EIPR1: variants seen among roughly 807,000 people sequenced by gnomAD.
EIPR1 encodes EARP complex and GARP complex interacting protein 1, also known as EARP and GARP complex-interacting protein 1.
A neutral mutation model predicts 48.1 loss-of-function variants in EIPR1; 25 were observed. That is an observed-to-expected ratio of 0.52 (90% CI 0.38 to 0.73). The LOEUF is 0.73. EIPR1 is among the 30% of genes least tolerant of loss of function. The pLI, the probability that EIPR1 is intolerant of heterozygous loss-of-function variation, is 0.00. For missense variants in EIPR1, 415 were observed against 506.2 expected (o/e 0.82, Z 1.73); for synonymous variants, 204 against 201.9 (o/e 1.01, Z -0.09).
intron 4 of EIPR1, among the ~76,000 whole-genome samples, chr2:3,220,538 C>A (rs1262248357): frequency 2.0e-5 from 3 of 152,076 alleles, no homozygotes; most frequent in Admixed American, 2.0e-4. Context: ...CACACAATGA[C>A]CATGGTACAC....
chr2:3,243,338 T>C (rs1666696405), intron 4 of EIPR1, among the ~76,000 whole-genome samples: 1 of 152,088 alleles, frequency 6.6e-6, no homozygotes, highest in African/African-American at 2.4e-5. Context: ...CACTAAGAAT[T>C]CACAAGCAAG....
At chr2:3,225,213 C>T (rs1020162701) in intron 4 of EIPR1, among the ~76,000 whole-genome samples, 1 of 129,560 alleles carries the variant, frequency 7.7e-6, no homozygotes, top group Non-Finnish European at 1.7e-5. Context: ...TTAGGTAGTA[C>T]ACTGTGATAT....
intron 2 of EIPR1, chr2:3,353,166 T>C (rs1322424160): frequency 4.4e-6 from 2 of 458,032 alleles, no homozygotes; most frequent in South Asian, 1.6e-5. Context: ...TATATGTAAG[T>C]ATAGGAAAAA....
In EIPR1 at chr2:3,346,717, TGAAAAGGGGGCA is replaced by T. The variant is rs557815463; in HGVS notation, c.126+7821_126+7832del. 8.5e-5 allele frequency among the ~76,000 whole-genome samples: 13 copies of T among 152,128 alleles called. 1 individual carries two copies. In the East Asian group the frequency reaches 2.5e-3, roughly 29 times the overall value. On this transcript the variant is annotated intron_variant, in intron 2 of 8. Transcript: ENST00000382125. The stretch of plus-strand genomic sequence containing the variant: ...CATCAATTAGTTCCAGCTCAGGAAT[TGAAAAGGGGGCA>T]GAAAAGGAAAGACTTCACAGAAAAG...
intron 4 of EIPR1, among the ~76,000 whole-genome samples, chr2:3,242,133 G>A (rs999322193): frequency 3.3e-5 from 5 of 152,172 alleles, no homozygotes; most frequent in Non-Finnish European, 7.3e-5. Flanking sequence ...AGCACCCACT[G>A]ATGGCTGGAA....
intron 3 of EIPR1, chr2:3,318,764 A>C: frequency 4.4e-6 from 2 of 450,124 alleles, no homozygotes; most frequent in South Asian, 3.2e-5. Flanking sequence ...TCTGAAGCCA[A>C]AATACATCTG....
intron 3 of EIPR1, among the ~76,000 whole-genome samples, chr2:3,299,189 C>T (rs1440689522): frequency 6.6e-6 from 1 of 152,232 alleles, no homozygotes. Context: ...CTGAGAATGT[C>T]GCTGTGTCTG....
chr2:3,323,103 T>G (rs1320830915), intron 3 of EIPR1, among the ~76,000 whole-genome samples: 1 of 120,760 alleles, frequency 8.3e-6, no homozygotes, highest in Non-Finnish European at 1.6e-5. Context: ...TCTCTCTGAT[T>G]TTTTCTTTAA....
intron 7 of EIPR1, 39 bp downstream of exon 7, chr2:3,193,960 T>C (rs1664699635): frequency 1.2e-6 from 2 of 1,608,302 alleles, no homozygotes. Context: ...ATCAATTGCG[T>C]AATCCCCTCC....
rs1664506430 is a variant in EIPR1 at position 3,189,114 on chromosome 2, C to G, written c.*220G>C. ...GTTATTCACATAATAATGTGGGGCT[C>G]TGTCTCTGCCGACAGGGGCTGGGTT... On this transcript the variant is annotated 3_prime_UTR_variant, in exon 9 of 9. Coordinates refer to ENST00000382125, the MANE Select transcript of EIPR1 (RefSeq NM_003310.5). The surrounding 1 kb of genome is among the most constrained non-coding windows in gnomAD (Gnocchi z 4.6). 2.4e-6 allele frequency: 1 copy of G among 415,728 alleles called. No homozygotes were observed. Among genetic ancestry groups the G allele is most frequent in the Admixed American group, 4.1e-5 (1 of 24,280 alleles). The allele number at this position is 415,728 out of a possible 1,614,324, so 25.8% of individuals were successfully genotyped here. A position where few individuals can be genotyped will look rare whatever the true frequency, so the allele number is the denominator to read the frequency against.
chr2:3,351,508 G>C (rs538243712), intron 2 of EIPR1, among the ~76,000 whole-genome samples: 1 of 152,246 alleles, frequency 6.6e-6, no homozygotes, highest in South Asian at 2.1e-4. Flanking sequence ...TTGGAAGGCA[G>C]ACTGGCGTGC....
chr2:3,344,469 G>C (rs933483708), intron 2 of EIPR1, among the ~76,000 whole-genome samples: 14 of 152,094 alleles, frequency 9.2e-5, no homozygotes, highest in Non-Finnish European at 8.8e-5. Context: ...CAAGAGACCT[G>C]GTTTCTCATT....
intron 2 of EIPR1, among the ~76,000 whole-genome samples, chr2:3,344,632 T>C (rs1172262690): frequency 2.1e-5 from 3 of 142,876 alleles, no homozygotes; most frequent in African/African-American, 8.0e-5. Flanking sequence ...CTGGTTCTGG[T>C]TCTTTTTTTT....
intron 3 of EIPR1, among the ~76,000 whole-genome samples, chr2:3,332,889 C>T (rs1427249351): frequency 6.6e-6 from 1 of 152,218 alleles, no homozygotes; most frequent in Non-Finnish European, 1.5e-5. Flanking sequence ...CGATGGCAAT[C>T]TGTCACTTGT....
chr2:3,345,523 G>T (rs1670372902), intron 2 of EIPR1, among the ~76,000 whole-genome samples: 1 of 152,012 alleles, frequency 6.6e-6, no homozygotes, highest in Admixed American at 6.6e-5. Flanking sequence ...TATTCAGGAG[G>T]CCGAGGCAGG....
At chr2:3,346,153 G>C (rs1184042948) in intron 2 of EIPR1, among the ~76,000 whole-genome samples, 2 of 152,260 alleles carry the variant, frequency 1.3e-5, no homozygotes, top group Admixed American at 6.5e-5. Context: ...CCACTCGGGA[G>C]CTGGCCCAAG....
Position 3,377,779 on chromosome 2 carries a change from C to A in EIPR1, c.-90G>T, listed in dbSNP as rs1422423649. Reference sequence around the variant, plus strand: ...CCCCACCTCGCGGGCGTGTTCCCAGCGCCCATTCATTCCCTCCCCGCAGCA... The same window carrying A: ...CCCCACCTCGCGGGCGTGTTCCCAGAGCCCATTCATTCCCTCCCCGCAGCA... On this transcript the variant is annotated 5_prime_UTR_variant, in exon 1 of 9. Transcript: ENST00000382125. 1.2e-5 allele frequency: 18 copies of A among 1,491,870 alleles called. No homozygotes were observed. The highest frequency in any genetic ancestry group is 1.1e-4 in the African/African-American group (8 of 71,918). The allele number at this position is 1,491,870 out of a possible 1,614,324, so 92.4% of individuals were successfully genotyped here.
intron 3 of EIPR1, among the ~76,000 whole-genome samples, chr2:3,264,989 T>A (rs1667443763): frequency 6.6e-6 from 1 of 152,214 alleles, no homozygotes; most frequent in Admixed American, 6.5e-5. Flanking sequence ...CTGGCCCCAA[T>A]GCATTTTTCT....
chr2:3,335,109 C>G (rs544686904), intron 3 of EIPR1, among the ~76,000 whole-genome samples: 16 of 152,230 alleles, frequency 1.1e-4, no homozygotes, highest in Non-Finnish European at 2.2e-4. Context: ...CCTACAACCC[C>G]AGGAGCCACA....
Sources: allele counts gnomAD v4.1 joint callset (sites outside exome capture counted in the v4.1 genomes callset), GRCh38; gene constraint gnomAD v4.1.1; non-coding constraint Gnocchi (gnomAD v3.1); transcripts MANE v1.5; gene names NCBI Gene and HGNC (gene_info 2026-07-23, HGNC 2026-07-21).